The following ANKS1B variants were observed in gnomAD, a reference collection of about 807,000 sequenced individuals.
ANKS1B encodes ankyrin repeat and sterile alpha motif domain-containing protein 1B.
ANKS1B carries 36 observed loss-of-function variants against 148.3 expected under a neutral mutation model. That is an observed-to-expected ratio of 0.24 (90% CI 0.19 to 0.32). ANKS1B has a LOEUF of 0.32. ANKS1B is among the 10% of genes least tolerant of loss of function. The probability of loss-of-function intolerance (pLI) is 1.00; values close to 1 mark genes in which losing one functional copy is unlikely to be tolerated. For synonymous variants in ANKS1B, 542 were observed against 560.8 expected, an observed-to-expected ratio of 0.97 and a Z score of 0.47; for missense variants, 1,157 against 1,542.6, an observed-to-expected ratio of 0.75 and a Z score of 4.19.
intron 17 of ANKS1B, among the ~76,000 whole-genome samples, chr12:98,942,359 T>G (rs1015921896): frequency 6.6e-6 from 1 of 152,186 alleles, no homozygotes; most frequent in African/African-American, 2.4e-5. Context: ...ACAGGCTGAC[T>G]TTTTGAGCCA....
chr12:99,716,270 C>T (rs533239074), intron 8 of ANKS1B, among the ~76,000 whole-genome samples: 13 of 151,768 alleles, frequency 8.6e-5, no homozygotes, highest in Non-Finnish European at 1.3e-4. Flanking sequence ...CTCTGCGCCC[C>T]GATCCCTTAT....
At chr12:99,307,182 A>G (rs750999866) in intron 12 of ANKS1B, among the ~76,000 whole-genome samples, 5 of 152,160 alleles carry the variant, frequency 3.3e-5, no homozygotes, top group African/African-American at 4.8e-5. Flanking sequence ...GAAAAACTGT[A>G]TAATTGTGAT....
intron 8 of ANKS1B, among the ~76,000 whole-genome samples, chr12:99,756,080 A>G (rs1028672216): frequency 6.6e-6 from 1 of 152,052 alleles, no homozygotes; most frequent in African/African-American, 2.4e-5. Context: ...CATAGTACTG[A>G]AAGTCCTGGC....
At chr12:99,002,289 G>A (rs118176734) in intron 17 of ANKS1B, among the ~76,000 whole-genome samples, 4,169 of 152,206 alleles carry the variant, frequency 0.027, 87 homozygotes, top group Middle Eastern at 0.037. Flanking sequence ...GGGTTCCAAT[G>A]TCTCCACAAC....
At position 99,184,458 on chromosome 12, in the gene ANKS1B, T is replaced by C. The variant is rs564983014; in HGVS notation, c.2420-30063A>G. ...AAAGACTTAGGGCTACAAGTTCATATTAGAAACATCCCCTAGACCTAGAGT... is the reference window on the plus strand; with the variant it reads ...AAAGACTTAGGGCTACAAGTTCATACTAGAAACATCCCCTAGACCTAGAGT... On this transcript the variant is annotated intron_variant, in intron 14 of 26. Transcript: ENST00000683438. Among the ~76,000 whole-genome samples, 6 of 152,280 alleles carry C rather than the reference T, an allele frequency of 3.9e-5. No individual in the cohort carries two copies. In the South Asian group the frequency reaches 1.2e-3, roughly 32 times the overall value.
At chr12:99,307,194 G>A (rs967703180) in intron 12 of ANKS1B, among the ~76,000 whole-genome samples, 1 of 152,096 alleles carries the variant, frequency 6.6e-6, no homozygotes, top group Non-Finnish European at 1.5e-5. Context: ...AATTGTGATT[G>A]TTGGATTCTT....
chr12:99,394,454 T>C (rs2094177525), intron 12 of ANKS1B, among the ~76,000 whole-genome samples: 1 of 152,048 alleles, frequency 6.6e-6, no homozygotes, highest in Non-Finnish European at 1.5e-5. Flanking sequence ...TCTCCTCCCT[T>C]TCTCCCTTAA....
chr12:99,790,471 C>T (rs990004909), intron 4 of ANKS1B, among the ~76,000 whole-genome samples: 1 of 151,994 alleles, frequency 6.6e-6, no homozygotes, highest in African/African-American at 2.4e-5. Flanking sequence ...CAGAATAACC[C>T]TGTAATTACG....
intron 15 of ANKS1B, among the ~76,000 whole-genome samples, chr12:99,088,848 T>TTTTC (rs1555230502): frequency 7.2e-6 from 1 of 138,004 alleles, no homozygotes; most frequent in African/African-American, 2.7e-5. Flanking sequence ...GTTTTTTTTT[T>TTTTC]TTTTTTTTTT....
intron 4 of ANKS1B, among the ~76,000 whole-genome samples, chr12:99,804,868 T>G (rs1289871159): frequency 2.0e-5 from 3 of 152,158 alleles, no homozygotes; most frequent in African/African-American, 7.2e-5. Context: ...GTTCTCTCTC[T>G]CAGAACCATG....
chr12:99,335,555 T>C (rs1041817446), intron 12 of ANKS1B, among the ~76,000 whole-genome samples: 10 of 152,070 alleles, frequency 6.6e-5, no homozygotes, highest in South Asian at 2.1e-4. Context: ...ATGAGTTCAA[T>C]TGTTTTAATT....
intron 8 of ANKS1B, among the ~76,000 whole-genome samples, chr12:99,679,441 C>T (rs986393928): frequency 3.3e-5 from 5 of 152,004 alleles, no homozygotes; most frequent in African/African-American, 1.2e-4. Flanking sequence ...CCAAGTACCT[C>T]GGACTACAGG....
In ANKS1B at chr12:99,467,109, T is replaced by C. The variant is rs1236464025; in HGVS notation, c.1439-23300A>G. Among the ~76,000 whole-genome samples the C allele has an allele frequency of 2.6e-5, 4 of 152,222 alleles. No homozygotes were observed. In the East Asian group the frequency reaches 7.7e-4, roughly 29 times the overall value. ...ATCCACCATGATCAAGTGGGCTTCATCCCTGGGATGCAAGGCTGGTTCAAT... is the reference window on the plus strand; with the variant it reads ...ATCCACCATGATCAAGTGGGCTTCACCCCTGGGATGCAAGGCTGGTTCAAT... On this transcript the variant is annotated intron_variant, in intron 10 of 26. Transcript: ENST00000683438.
intron 8 of ANKS1B, among the ~76,000 whole-genome samples, chr12:99,747,661 A>T (rs1394271887): frequency 6.6e-6 from 1 of 152,086 alleles, no homozygotes; most frequent in African/African-American, 2.4e-5. Flanking sequence ...TCAGTCATCC[A>T]ATCCAGTCAA....
intron 8 of ANKS1B, among the ~76,000 whole-genome samples, chr12:99,754,508 C>T (rs961587749): frequency 7.9e-5 from 12 of 152,064 alleles, no homozygotes; most frequent in African/African-American, 2.9e-4. Flanking sequence ...CACATGAACC[C>T]AGCAGATATT....
intron 9 of ANKS1B, among the ~76,000 whole-genome samples, chr12:99,631,896 G>A (rs1265570996): frequency 2.6e-5 from 4 of 152,194 alleles, no homozygotes; most frequent in Admixed American, 1.3e-4. Flanking sequence ...AGGAAACCAA[G>A]GGTGTAGCCC....
In ANKS1B at chr12:99,403,038, T is replaced by C. The variant is rs757296088; in HGVS notation, c.1576-3227A>G. On this transcript the variant is annotated intron_variant, in intron 11 of 26. Transcript: ENST00000683438. ...TGAATTGATTTGAAATGGTATCTCA[T>C]TGTGGTTTTGGTTTGAATTACTCTA... Among the ~76,000 whole-genome samples, 6 of 145,512 alleles carry C rather than the reference T, an allele frequency of 4.1e-5. 1 individual carries two copies. The highest frequency in any genetic ancestry group is 2.0e-4 in the Admixed American group (3 of 14,638).
chr12:98,993,118 A>G (rs531251038), intron 17 of ANKS1B, among the ~76,000 whole-genome samples: 1 of 152,230 alleles, frequency 6.6e-6, no homozygotes, highest in Non-Finnish European at 1.5e-5. Context: ...CATTTGGGTA[A>G]TAGAAAAGGC....
At chr12:98,761,503 A>C (rs1177459953) in intron 25 of ANKS1B, among the ~76,000 whole-genome samples, 2 of 152,198 alleles carry the variant, frequency 1.3e-5, no homozygotes, top group Non-Finnish European at 2.9e-5. Context: ...CCCAGCTCCC[A>C]TACCTTTCCA....
Sources: gnomAD v4.1 joint callset for allele counts (sites outside exome capture counted in the v4.1 genomes callset) on GRCh38, gnomAD v4.1.1 for gene constraint, MANE v1.5 for transcripts, NCBI Gene and HGNC (gene_info 2026-07-23, HGNC 2026-07-21) for gene names.